BCAS4: variants seen among roughly 807,000 people sequenced by gnomAD.
BCAS4 encodes breast carcinoma-amplified sequence 4.
In BCAS4, 9 loss-of-function variants were observed where a neutral mutation model predicts 15.7. That is an observed-to-expected ratio of 0.57 (90% confidence interval 0.34 to 1.00). The LOEUF is 1.00. Ranked by LOEUF, BCAS4 falls within the 50% of genes least tolerant of loss-of-function variation. BCAS4 has a pLI of 0.02. For missense variants in BCAS4, 225 were observed against 239.1 expected (o/e 0.94, Z 0.39); for synonymous variants, 101 against 99.5 (o/e 1.02, Z -0.09).
At chr20:50,857,695 T>TCC (rs1361236015) in intron 4 of BCAS4, among the ~76,000 whole-genome samples, 1 of 152,064 alleles carries the variant, frequency 6.6e-6, no homozygotes. Context: ...AAATTCGAGG[T>TCC]CCTCTGTGAC....
rs563975656 is a variant in BCAS4, at chr20:50,853,170, AG to A, written c.399+11271del. 6.0e-3 allele frequency among the ~76,000 whole-genome samples: 617 copies of A among 102,734 alleles called. 2 individuals carry two copies. The highest frequency in any genetic ancestry group is 8.6e-3 in the Non-Finnish European group (482 of 56,278). The allele number at this position is 102,734 out of a possible 152,430, so 67.4% of individuals were successfully genotyped here. On this transcript the variant is annotated intron_variant, in intron 4 of 4. Coordinates refer to ENST00000371608, the MANE Select transcript of BCAS4 (RefSeq NM_198799.4). Reference sequence around the variant, plus strand: ...TTTTTTTTTTTTTTTTTTGAGTCGTAGTCTTGCTCTGTCACCCTGGCTGGAG... The same window carrying A: ...TTTTTTTTTTTTTTTTTTGAGTCGTATCTTGCTCTGTCACCCTGGCTGGAG...
At chr20:50,834,258 A>G (rs1265934382) in intron 3 of BCAS4, among the ~76,000 whole-genome samples, 3 of 150,784 alleles carry the variant, frequency 2.0e-5, no homozygotes, top group African/African-American at 7.3e-5. Flanking sequence ...ACCGGGGCTC[A>G]CTAAGTTGCT....
At chr20:50,801,156 A>G (rs960438687) in intron 1 of BCAS4, among the ~76,000 whole-genome samples, 8 of 151,932 alleles carry the variant, frequency 5.3e-5, no homozygotes, top group Non-Finnish European at 1.0e-4. Flanking sequence ...GCCGGGCGCC[A>G]TGGCTCATGC....
intron 4 of BCAS4, among the ~76,000 whole-genome samples, chr20:50,868,636 T>C (rs1979478265): frequency 6.6e-6 from 1 of 152,204 alleles, no homozygotes; most frequent in African/African-American, 2.4e-5. Flanking sequence ...TTGCCTAGGC[T>C]GGCCTTGAAC....
At chr20:50,818,749 G>A (rs930397392) in intron 2 of BCAS4, among the ~76,000 whole-genome samples, 1 of 152,236 alleles carries the variant, frequency 6.6e-6, no homozygotes, top group African/African-American at 2.4e-5. Flanking sequence ...TGGGCATCGA[G>A]TTCCTTCCTG....
intron 1 of BCAS4, among the ~76,000 whole-genome samples, chr20:50,803,412 T>G (rs573752433): frequency 6.6e-6 from 1 of 152,144 alleles, no homozygotes; most frequent in Admixed American, 6.5e-5. Context: ...AATATGTATT[T>G]TCATGCATCT....
intron 1 of BCAS4, among the ~76,000 whole-genome samples, chr20:50,802,444 G>T (rs529192752): frequency 6.6e-5 from 10 of 152,316 alleles, no homozygotes; most frequent in East Asian, 3.9e-4. Flanking sequence ...GCCCAGGAGT[G>T]GGGGGAGCCT....
intron 1 of BCAS4, among the ~76,000 whole-genome samples, chr20:50,813,064 C>CT (rs553994753): frequency 2.4e-4 from 37 of 152,168 alleles, no homozygotes; most frequent in Non-Finnish European, 5.1e-4. Flanking sequence ...AGTGATCTGC[C>CT]TGCCTCAGCC....
chr20:50,828,389 T>G (rs915329878), intron 2 of BCAS4, among the ~76,000 whole-genome samples: 2 of 151,848 alleles, frequency 1.3e-5, no homozygotes, highest in African/African-American at 4.8e-5. Flanking sequence ...TCCTGAACAG[T>G]GGTGGGAGCA....
intron 1 of BCAS4, among the ~76,000 whole-genome samples, chr20:50,812,644 T>A (rs1193928063): frequency 3.3e-5 from 5 of 151,972 alleles, no homozygotes; most frequent in Non-Finnish European, 7.4e-5. Flanking sequence ...TTCACCATCT[T>A]GGCCAGGCTG....
chr20:50,832,370 G>A (rs993812332), intron 3 of BCAS4, among the ~76,000 whole-genome samples: 2 of 151,834 alleles, frequency 1.3e-5, no homozygotes, highest in African/African-American at 4.8e-5. Flanking sequence ...TGATTCTCCT[G>A]CCTCAGCCTC....
chr20:50,806,659 G>A (rs1216054841), intron 1 of BCAS4, among the ~76,000 whole-genome samples: 1 of 152,040 alleles, frequency 6.6e-6, no homozygotes. Context: ...GGCCTCTACA[G>A]AAGAGTTGCC....
At chr20:50,880,399 C>G (rs1414649798), downstream of BCAS4, 1 of 152,228 alleles carries the variant, frequency 6.6e-6, no homozygotes, top group Non-Finnish European at 1.5e-5. Context: ...TTCCATTGTC[C>G]AGTCAATGAT....
At chr20:50,833,067 C>T (rs2088363663) in intron 3 of BCAS4, 1 of 152,244 alleles carries the variant, frequency 6.6e-6, no homozygotes, top group African/African-American at 2.4e-5. Flanking sequence ...ATCTACAGGA[C>T]CTTGGAGAAT....
At chr20:50,853,982 CG>C (rs1448817764) in intron 4 of BCAS4, among the ~76,000 whole-genome samples, 2 of 152,090 alleles carry the variant, frequency 1.3e-5, no homozygotes, top group African/African-American at 4.8e-5. Flanking sequence ...CAGCTGTCCC[CG>C]GGGGCAAAAT....
chr20:50,849,528 G>C (rs760115785), intron 4 of BCAS4, among the ~76,000 whole-genome samples: 5 of 152,230 alleles, frequency 3.3e-5, no homozygotes, highest in Non-Finnish European at 7.3e-5. Context: ...GATGTCACCT[G>C]GTCCCACAGT....
intron 2 of BCAS4, among the ~76,000 whole-genome samples, chr20:50,829,753 T>G (rs1475905340): frequency 6.6e-6 from 1 of 151,886 alleles, no homozygotes; most frequent in Non-Finnish European, 1.5e-5. Context: ...TTGGGGCCCT[T>G]GCCAAGCAGA....
Position 50,851,722 on chromosome 20 carries a change from C to T in BCAS4, c.399+9822C>T, listed in dbSNP as rs919443655. ...TCCTGGGGTTGTTGGACATTGTTTG[C>T]GGCCTTTGCACATGCCGGTTCCCCT... is the stretch of plus-strand genomic sequence containing the variant. On this transcript the variant is annotated intron_variant, in intron 4 of 4. Coordinates refer to ENST00000371608, the MANE Select transcript of BCAS4 (RefSeq NM_198799.4). This position sits in a 1 kb window ranked among gnomAD's most constrained non-coding sequence, Gnocchi z 4.3. Among the ~76,000 whole-genome samples, 2 of 152,124 alleles carry T rather than the reference C, an allele frequency of 1.3e-5. No individual in the cohort carries two copies. The highest frequency in any genetic ancestry group is 2.4e-5 in the African/African-American group (1 of 41,398).
intron 4 of BCAS4, among the ~76,000 whole-genome samples, chr20:50,869,408 C>T (rs1012739696): frequency 6.6e-6 from 1 of 152,182 alleles, no homozygotes; most frequent in Non-Finnish European, 1.5e-5. Flanking sequence ...CCTGTGAGTA[C>T]AGGTACAGTG....
Sources: allele counts gnomAD v4.1 joint callset (sites outside exome capture counted in the v4.1 genomes callset), GRCh38; gene constraint gnomAD v4.1.1; non-coding constraint Gnocchi (gnomAD v3.1); transcripts MANE v1.5; gene names NCBI Gene and HGNC (gene_info 2026-07-23, HGNC 2026-07-21).